The following DPF3 variants were observed in gnomAD, a reference collection of about 807,000 sequenced individuals.
The protein encoded by DPF3 is double PHD fingers 3.
Under a neutral mutation model 56.8 loss-of-function variants are expected in DPF3, and 18 were observed. That is an observed-to-expected ratio of 0.32 (90% CI 0.22 to 0.47). The LOEUF is 0.47. Ranked by LOEUF, DPF3 falls within the 20% of genes least tolerant of loss-of-function variation. The probability of loss-of-function intolerance (pLI) is 1.00; values close to 1 mark genes in which losing one functional copy is unlikely to be tolerated. For synonymous variants in DPF3, 188 were observed against 180.2 expected, an observed-to-expected ratio of 1.04 and a Z score of -0.35; for missense variants, 403 against 488.8, an observed-to-expected ratio of 0.82 and a Z score of 1.65.
At chr14:72,754,160 C>G (rs1226316712) in intron 2 of DPF3, among the ~76,000 whole-genome samples, 1 of 152,164 alleles carries the variant, frequency 6.6e-6, no homozygotes, top group African/African-American at 2.4e-5. Context: ...GCTCTGGTGG[C>G]AGCCACGGGC....
intron 3 of DPF3, among the ~76,000 whole-genome samples, chr14:72,741,240 A>G (rs894223201): frequency 6.6e-6 from 1 of 152,152 alleles, no homozygotes; most frequent in Non-Finnish European, 1.5e-5. Flanking sequence ...GCCTCCTCAC[A>G]CTTGCCAAGT....
intron 1 of DPF3, among the ~76,000 whole-genome samples, chr14:72,841,743 G>A (rs1599488111): frequency 6.6e-6 from 1 of 152,108 alleles, no homozygotes; most frequent in African/African-American, 2.4e-5. Context: ...TGGGGGAGAA[G>A]ACACGGTAAA....
At chr14:72,836,232 T>A in intron 1 of DPF3, 1 of 985,518 alleles carries the variant, frequency 1.0e-6, no homozygotes, top group Non-Finnish European at 1.2e-6. Context: ...TCATATCACA[T>A]CTCTACTTCC....
intron 1 of DPF3, among the ~76,000 whole-genome samples, chr14:72,857,724 C>T (rs1394647330): frequency 6.6e-6 from 1 of 152,044 alleles, no homozygotes; most frequent in Non-Finnish European, 1.5e-5. Context: ...GCAGCTGGGA[C>T]TACAGGCACA....
chr14:72,832,681 A>G (rs1884110329), intron 1 of DPF3, among the ~76,000 whole-genome samples: 1 of 152,212 alleles, frequency 6.6e-6, no homozygotes, highest in African/African-American at 2.4e-5. Context: ...AATATAGTTT[A>G]ATTTCTATTC....
At chr14:72,628,310 T>G (rs1249795372) in intron 9 of DPF3, among the ~76,000 whole-genome samples, 1 of 152,090 alleles carries the variant, frequency 6.6e-6, no homozygotes, top group Non-Finnish European at 1.5e-5. Context: ...TTTAATGTTT[T>G]TATCATAAAT....
intron 2 of DPF3, among the ~76,000 whole-genome samples, chr14:72,756,600 C>A (rs1890799418): frequency 6.6e-6 from 1 of 151,964 alleles, no homozygotes; most frequent in Non-Finnish European, 1.5e-5. Context: ...ATCACTGAAG[C>A]CCAGGAGTTC....
At chr14:72,643,268 A>C (rs1227493984) in intron 8 of DPF3, among the ~76,000 whole-genome samples, 4 of 152,046 alleles carry the variant, frequency 2.6e-5, no homozygotes, top group Non-Finnish European at 5.9e-5. Flanking sequence ...TATGTCACTG[A>C]CTCTCTCCAT....
intron 8 of DPF3, among the ~76,000 whole-genome samples, chr14:72,657,758 G>A (rs1176448101): frequency 1.3e-5 from 2 of 152,170 alleles, no homozygotes; most frequent in Non-Finnish European, 2.9e-5. Flanking sequence ...TTGGAACACA[G>A]CCATGCCCAT....
intron 8 of DPF3, among the ~76,000 whole-genome samples, chr14:72,672,327 A>G (rs988457986): frequency 3.3e-5 from 5 of 152,156 alleles, no homozygotes; most frequent in Non-Finnish European, 5.9e-5. Flanking sequence ...TTCTCCCAGG[A>G]AACAGCAGTG....
In DPF3 at chr14:72,615,372, C is replaced by T. The variant is rs1393847278; in HGVS notation, c.*3925G>A. On this transcript the variant is annotated 3_prime_UTR_variant, in exon 11 of 11. Transcript: ENST00000556509. ...GAGCACAGGTCTCCTCCACTTGCCC[C>T]GAAAGGAAAAGTAATAACAATCATC... 1.3e-5 allele frequency among the ~76,000 whole-genome samples: 2 copies of T among 152,118 alleles called. No homozygotes were observed. Among genetic ancestry groups the T allele is most frequent in the African/African-American group, 2.4e-5 (1 of 41,438 alleles).
chr14:72,649,540 G>A (rs1182683005), intron 8 of DPF3, among the ~76,000 whole-genome samples: 1 of 151,616 alleles, frequency 6.6e-6, no homozygotes, highest in African/African-American at 2.4e-5. Flanking sequence ...GGAAGGAGTG[G>A]GTGAAAGAAT....
chr14:72,776,830 G>A (rs1891759841), intron 1 of DPF3, among the ~76,000 whole-genome samples: 2 of 149,154 alleles, frequency 1.3e-5, no homozygotes, highest in African/African-American at 4.9e-5. Flanking sequence ...CCAGAAGCCT[G>A]CTCCCGCCCA....
At chr14:72,849,970 T>C (rs897779591) in intron 1 of DPF3, among the ~76,000 whole-genome samples, 2 of 151,998 alleles carry the variant, frequency 1.3e-5, no homozygotes, top group Admixed American at 1.3e-4. Context: ...AAATACAAAA[T>C]TAGCCAGGCA....
intron 1 of DPF3, among the ~76,000 whole-genome samples, chr14:72,798,619 G>A (rs1488662040): frequency 6.6e-6 from 1 of 152,218 alleles, no homozygotes; most frequent in Non-Finnish European, 1.5e-5. Flanking sequence ...GGGGTCCCTA[G>A]TTGGCTGCAG....
intron 6 of DPF3, among the ~76,000 whole-genome samples, chr14:72,706,063 T>C (rs1397738814): frequency 2.6e-5 from 4 of 152,228 alleles, no homozygotes; most frequent in African/African-American, 7.2e-5. Context: ...ATCTGTAGGA[T>C]AGAGATGACC....
chr14:72,781,772 G>A (rs1891985076), intron 1 of DPF3, among the ~76,000 whole-genome samples: 1 of 152,128 alleles, frequency 6.6e-6, no homozygotes, highest in South Asian at 2.1e-4. Flanking sequence ...AGCTTTTCTT[G>A]TACCCAAGGT....
At chr14:72,745,630 C>G (rs1426011834) in intron 3 of DPF3, among the ~76,000 whole-genome samples, 1 of 152,074 alleles carries the variant, frequency 6.6e-6, no homozygotes, top group African/African-American at 2.4e-5. Context: ...TAAAAAAGAG[C>G]CTCTCCCTCC....
intron 7 of DPF3, among the ~76,000 whole-genome samples, chr14:72,676,335 C>G (rs747956491): frequency 6.6e-6 from 1 of 152,200 alleles, no homozygotes; most frequent in Non-Finnish European, 1.5e-5. Flanking sequence ...CCTCAGCTGT[C>G]TCTCTCCTAT....
Sources: allele counts gnomAD v4.1 joint callset (sites outside exome capture counted in the v4.1 genomes callset), GRCh38; gene constraint gnomAD v4.1.1; transcripts MANE v1.5; gene names NCBI Gene and HGNC (gene_info 2026-07-23, HGNC 2026-07-21).